The following TMEM17 variants were observed in gnomAD, a reference collection of about 807,000 sequenced individuals.
TMEM17 encodes transmembrane protein 17.
TMEM17 carries 15 observed loss-of-function variants against 19.1 expected under a neutral mutation model. The observed-to-expected ratio is 0.78, with a 90% CI of 0.52 to 1.21. The LOEUF (loss-of-function observed/expected upper bound fraction) is 1.21, where lower values mean the gene tolerates loss of function less well. Ranked by LOEUF, TMEM17 falls within the 50% of genes most tolerant of loss-of-function variation. TMEM17 has a pLI of 0.00. For synonymous variants in TMEM17, 103 were observed against 86.9 expected (o/e 1.19, Z -1.03); for missense variants, 245 against 242.3 (o/e 1.01, Z -0.07).
chr2:62,499,775 CAT>C (rs1679872862), downstream of TMEM17, among the ~76,000 whole-genome samples: 1 of 152,112 alleles, frequency 6.6e-6, no homozygotes, highest in African/African-American at 2.4e-5. Flanking sequence ...TATGAAGGCC[CAT>C]TTCCCTATAG....
chr2:62,501,115 C>G lies in TMEM17; in HGVS notation c.*94G>C. ...GAGTGAGAGCATATACAATTCAAAACACTTGCTTTGTCCCTTTTCTCAGAG... is the reference window on the plus strand; with the variant it reads ...GAGTGAGAGCATATACAATTCAAAAGACTTGCTTTGTCCCTTTTCTCAGAG... On this transcript the variant is annotated 3_prime_UTR_variant, in exon 4 of 4. Coordinates refer to ENST00000335390, the MANE Select transcript of TMEM17 (RefSeq NM_198276.3). 7.1e-7 allele frequency: 1 copy of G among 1,412,844 alleles called. No individual in the cohort carries two copies. The highest frequency in any genetic ancestry group is 9.6e-7 in the Non-Finnish European group (1 of 1,039,110). 87.5% of individuals were successfully genotyped at this position (1,412,844 alleles called of 1,614,324 possible).
At chr2:62,476,106 G>T in the TMEM17 span, among the ~76,000 whole-genome samples, 2 of 152,226 alleles carry the variant, frequency 1.3e-5, no homozygotes, top group Non-Finnish European at 2.9e-5. Flanking sequence ...CTGCAAGGGG[G>T]TCATGCTTTG....
At chr2:62,460,957 G>A in the TMEM17 span, among the ~76,000 whole-genome samples, 6,330 of 152,284 alleles carry the variant, frequency 0.042, 456 homozygotes, top group African/African-American at 0.14. Context: ...GAAAAAGCAG[G>A]TGATTGTGGC....
At chr2:62,477,834 A>C in the TMEM17 span, among the ~76,000 whole-genome samples, 1 of 152,198 alleles carries the variant, frequency 6.6e-6, no homozygotes, top group Non-Finnish European at 1.5e-5. Flanking sequence ...ACTTCAGAGC[A>C]TCTCTACATT....
the TMEM17 span, chr2:62,463,889 C>T: frequency 2.6e-5 from 4 of 152,208 alleles, no homozygotes; most frequent in African/African-American, 4.8e-5. Context: ...TATGGCTGGA[C>T]GTCAGAGAGA....
At chr2:62,495,669 TTTG>T (rs1679759746), downstream of TMEM17, among the ~76,000 whole-genome samples, 1 of 152,198 alleles carries the variant, frequency 6.6e-6, no homozygotes, top group African/African-American at 2.4e-5. Flanking sequence ...TGTTTGCCGC[TTTG>T]TTTTCTGCCT....
chr2:62,454,734 C>T, the TMEM17 span, among the ~76,000 whole-genome samples: 2 of 152,184 alleles, frequency 1.3e-5, no homozygotes, highest in African/African-American at 4.8e-5. Flanking sequence ...GATGGAGTCT[C>T]ACTCTGTCGC....
At chr2:62,472,465 C>A in the TMEM17 span, among the ~76,000 whole-genome samples, 1 of 152,186 alleles carries the variant, frequency 6.6e-6, no homozygotes, top group South Asian at 2.1e-4. Context: ...CTCTGGCTGG[C>A]GTCTCCCCTG....
the TMEM17 span, among the ~76,000 whole-genome samples, chr2:62,484,411 G>T: frequency 6.6e-6 from 1 of 152,220 alleles, no homozygotes; most frequent in Non-Finnish European, 1.5e-5. Flanking sequence ...TGGACCTACT[G>T]TCTTGCTGTC....
At chr2:62,484,903 T>C in the TMEM17 span, among the ~76,000 whole-genome samples, 215 of 152,276 alleles carry the variant, frequency 1.4e-3, no homozygotes, top group African/African-American at 5.1e-3. Flanking sequence ...GAATGAGATA[T>C]AAATGAAGAG....
chr2:62,474,993 G>A, the TMEM17 span, among the ~76,000 whole-genome samples: 1 of 152,148 alleles, frequency 6.6e-6, no homozygotes, highest in African/African-American at 2.4e-5. Flanking sequence ...AATCACTTGG[G>A]ACGCTTTTTA....
At chr2:62,476,831 T>G in the TMEM17 span, among the ~76,000 whole-genome samples, 1 of 152,178 alleles carries the variant, frequency 6.6e-6, no homozygotes, top group Non-Finnish European at 1.5e-5. Flanking sequence ...TGCTGAGCTG[T>G]GTATTGGACT....
At chr2:62,502,309 T>TA in intron 3 of TMEM17, 128 bp downstream of exon 3, 4 of 557,784 alleles carry the variant, frequency 7.2e-6, no homozygotes, top group Non-Finnish European at 1.3e-5. Context: ...GTGACAGAAG[T>TA]GGTAAAGCTG....
rs557768779 is a variant in TMEM17 at position 62,500,452 on chromosome 2, A to T, written c.*757T>A. The stretch of plus-strand genomic sequence containing the variant: ...TGGTCTCTTGTTTTATTTTTTATTT[A>T]TTTATTTTTTTGAGATGGAGTCTTG... On this transcript the variant is annotated 3_prime_UTR_variant, in exon 4 of 4. Transcript: ENST00000335390. The T allele has an allele frequency of 9.0e-4, 136 of 151,872 alleles. No individual in the cohort carries two copies. Among genetic ancestry groups the T allele is most frequent in the African/African-American group, 3.1e-3 (129 of 41,400 alleles). The allele number at this position is 151,872 out of a possible 1,614,324, so 9.4% of individuals were successfully genotyped here.
chr2:62,478,714 T>C, the TMEM17 span, among the ~76,000 whole-genome samples: 1 of 152,232 alleles, frequency 6.6e-6, no homozygotes, highest in Admixed American at 6.5e-5. Flanking sequence ...TCTGGTAGGT[T>C]GTGGTTAGTG....
chr2:62,471,622 G>A, the TMEM17 span, among the ~76,000 whole-genome samples: 3 of 152,216 alleles, frequency 2.0e-5, no homozygotes, highest in Non-Finnish European at 4.4e-5. Flanking sequence ...AATTCAGCAG[G>A]TGCTCAATAA....
chr2:62,506,154 C>G lies in TMEM17; in HGVS notation c.-25G>C, dbSNP rs1174313582. 1.3e-6 allele frequency: 2 copies of G among 1,581,144 alleles called. No homozygotes were observed. The highest frequency in any genetic ancestry group is 4.7e-5 in the East Asian group (2 of 42,402). On this transcript the variant is annotated 5_prime_UTR_variant, in exon 1 of 4. Coordinates refer to ENST00000335390, the MANE Select transcript of TMEM17 (RefSeq NM_198276.3). ...TGCCTGGGCCTCAGTATCCCTCACC[C>G]CCTCAGACACGGGCTAGTCTGCGGG... is the stretch of plus-strand genomic sequence containing the variant.
the TMEM17 span, among the ~76,000 whole-genome samples, chr2:62,462,633 G>A: frequency 7.2e-5 from 11 of 152,280 alleles, no homozygotes; most frequent in African/African-American, 2.4e-4. Flanking sequence ...AAGCACTTGA[G>A]CTGAAAAGGC....
chr2:62,462,315 G>A, the TMEM17 span, among the ~76,000 whole-genome samples: 2 of 152,156 alleles, frequency 1.3e-5, no homozygotes. Flanking sequence ...TTTGAGCACA[G>A]GAAGAGCCCT....
Sources: gnomAD v4.1 joint callset for allele counts (sites outside exome capture counted in the v4.1 genomes callset) on GRCh38, gnomAD v4.1.1 for gene constraint, MANE v1.5 for transcripts, NCBI Gene and HGNC (gene_info 2026-07-23, HGNC 2026-07-21) for gene names.